C5: variants seen among roughly 807,000 people sequenced by gnomAD.
C5 encodes C3 and PZP-like alpha-2-macroglobulin domain-containing protein 4.
Under a neutral mutation model 218.8 loss-of-function variants are expected in C5, and 140 were observed. The ratio of observed to expected loss-of-function variants is 0.64; its 90% confidence interval spans 0.56 to 0.74. The LOEUF is 0.74. Ranked by LOEUF, C5 falls within the 30% of genes least tolerant of loss-of-function variation. The probability of loss-of-function intolerance (pLI) is 0.00; values close to 1 mark genes in which losing one functional copy is unlikely to be tolerated. For missense variants in C5, 1,700 were observed against 1,969.6 expected (o/e 0.86, Z 2.59); for synonymous variants, 614 against 682.3 (o/e 0.90, Z 1.56).
intron 38 of C5, among the ~76,000 whole-genome samples, chr9:120,959,144 T>G (rs1197970477): frequency 6.6e-6 from 1 of 152,134 alleles, no homozygotes; most frequent in Admixed American, 6.5e-5. Context: ...TCCATTGCAA[T>G]GAGAAACTGT....
At chr9:121,007,670 G>C (rs2047226834) in intron 18 of C5, among the ~76,000 whole-genome samples, 1 of 152,168 alleles carries the variant, frequency 6.6e-6, no homozygotes, top group Non-Finnish European at 1.5e-5. Flanking sequence ...TAATGTGGAA[G>C]ACAGGAAAGT....
chr9:120,971,862 CCTAA>C (rs1200010737), intron 31 of C5, 64 bp downstream of exon 31: 5 of 1,232,834 alleles, frequency 4.1e-6, no homozygotes, highest in Non-Finnish European at 6.0e-6. Context: ...TGGCAAAGCT[CCTAA>C]CTTTTATGTT....
At chr9:121,048,321 G>T (rs2047645129) in intron 1 of C5, among the ~76,000 whole-genome samples, 2 of 152,230 alleles carry the variant, frequency 1.3e-5, no homozygotes, top group Admixed American at 1.3e-4. Flanking sequence ...ACAGCAGGAG[G>T]TGAGCAGTGG....
At chr9:120,982,471 C>T (rs555224878) in intron 26 of C5, among the ~76,000 whole-genome samples, 184 bp downstream of exon 26, 1 of 152,326 alleles carries the variant, frequency 6.6e-6, no homozygotes, top group East Asian at 1.9e-4. Flanking sequence ...CTCTAGTGAA[C>T]TGTCTGAAGA....
intron 7 of C5, 36 bp downstream of exon 7, chr9:121,030,361 T>TA: frequency 8.8e-7 from 1 of 1,135,980 alleles, no homozygotes; most frequent in Non-Finnish European, 1.3e-6. Flanking sequence ...ATTTGAAAAA[T>TA]AAAAATAAAA....
intron 8 of C5, chr9:121,026,035 CA>C (rs1399981564): frequency 6.5e-6 from 1 of 153,442 alleles, no homozygotes; most frequent in Admixed American, 6.5e-5. Context: ...ATTATTAACA[CA>C]ACAGTAAAAT....
chr9:121,027,388 T>C (rs1376357622), intron 7 of C5, 114 bp from the exon 8 acceptor site: 8 of 680,002 alleles, frequency 1.2e-5, no homozygotes, highest in Non-Finnish European at 2.1e-5. Flanking sequence ...AAAGTGTCTT[T>C]CATCCTAAGC....
At chr9:120,955,099 T>C (rs1192387959) in intron 39 of C5, among the ~76,000 whole-genome samples, 1 of 152,220 alleles carries the variant, frequency 6.6e-6, no homozygotes, top group Non-Finnish European at 1.5e-5. Flanking sequence ...TTTGGAGAAA[T>C]ACCAATTTAT....
At chr9:121,065,632 C>T in the C5 span, among the ~76,000 whole-genome samples, 1 of 152,162 alleles carries the variant, frequency 6.6e-6, no homozygotes, top group Non-Finnish European at 1.5e-5. Context: ...ACCACAGGCA[C>T]ATGCCACCAC....
At chr9:121,009,224 GT>G (rs1213695156) in intron 17 of C5, among the ~76,000 whole-genome samples, 1 of 152,130 alleles carries the variant, frequency 6.6e-6, no homozygotes, top group Non-Finnish European at 1.5e-5. Context: ...CTGAACTTCT[GT>G]TTTCATATAA....
At chr9:121,002,361 C>A (rs2047180258) in intron 20 of C5, among the ~76,000 whole-genome samples, 1 of 130,078 alleles carries the variant, frequency 7.7e-6, no homozygotes, top group African/African-American at 2.7e-5. Context: ...CCTACACAAG[C>A]CGATTTTATA....
chr9:121,020,238 A>G, intron 11 of C5, 59 bp from the exon 12 acceptor site: 1 of 1,202,494 alleles, frequency 8.3e-7, no homozygotes, highest in Non-Finnish European at 1.2e-6. Flanking sequence ...TCTGTAAAAC[A>G]TACCTTTCAA....
chr9:120,961,489 A>G lies in C5; in HGVS notation c.4581T>C (p.Cys1527=). The change falls in exon 37 of 41, where the codon TGT becomes TGC. Residue 1527 remains cysteine (C), a synonymous_variant. Coordinates refer to ENST00000223642, the MANE Select transcript of C5 (RefSeq NM_001735.3). ...ATGTTAAATAAAGTTTACCTTCTAC[A>G]CACTTGCACGCGGCTCCTTCACAGA... The part of the protein sequence containing the change: ...QKVCEGAACK[C]VEADCGQMQE... 1 of 1,606,170 alleles carries G rather than the reference A, an allele frequency of 6.2e-7. No homozygotes were observed. The highest frequency in any genetic ancestry group is 1.7e-5 in the Admixed American group (1 of 59,994).
chr9:121,041,071 G>A (rs532608478), intron 3 of C5, among the ~76,000 whole-genome samples: 1 of 150,324 alleles, frequency 6.7e-6, no homozygotes, highest in Non-Finnish European at 1.5e-5. Context: ...AGCCTCCCGA[G>A]TAGCTGGAAT....
intron 31 of C5, 99 bp from the exon 32 acceptor site, chr9:120,970,350 A>T: frequency 1.3e-6 from 1 of 781,420 alleles, no homozygotes; most frequent in Non-Finnish European, 2.2e-6. Flanking sequence ...TGCTCGAAGG[A>T]TCATTTTCAT....
chr9:121,066,721 G>A, the C5 span, among the ~76,000 whole-genome samples: 12 of 151,440 alleles, frequency 7.9e-5, no homozygotes, highest in Non-Finnish European at 1.5e-4. Context: ...GAGGTGGTGC[G>A]TGCCTGTAAT....
intron 14 of C5, among the ~76,000 whole-genome samples, chr9:121,017,120 T>C (rs1336317930): frequency 2.6e-5 from 4 of 152,188 alleles, no homozygotes; most frequent in African/African-American, 9.7e-5. Flanking sequence ...TAATTTTTCC[T>C]CCATGAATGT....
At chr9:120,970,061 G>T in intron 32 of C5, 109 bp downstream of exon 32, 1 of 765,646 alleles carries the variant, frequency 1.3e-6, no homozygotes, top group Non-Finnish European at 2.3e-6. Context: ...ATTTGGTTAA[G>T]AAATTTCACT....
At chr9:121,037,986 T>G in intron 3 of C5, 35 bp from the exon 4 acceptor site, 1 of 963,644 alleles carries the variant, frequency 1.0e-6, no homozygotes, top group Non-Finnish European at 1.6e-6. Context: ...AAAACTCTGC[T>G]AAAAACAAGG....
Sources: gnomAD v4.1 joint callset for allele counts (sites outside exome capture counted in the v4.1 genomes callset) on GRCh38, gnomAD v4.1.1 for gene constraint, MANE v1.5 for transcripts, NCBI Gene and HGNC (gene_info 2026-07-23, HGNC 2026-07-21) for gene names.